The following COL6A6 variants were observed in gnomAD, a reference collection of about 807,000 sequenced individuals.
COL6A6 encodes the protein collagen type VI alpha 6 chain, also known as collagen alpha-6(VI) chain.
A neutral mutation model predicts 208.6 loss-of-function variants in COL6A6; 183 were observed. The ratio of observed to expected loss-of-function variants is 0.88; its 90% confidence interval spans 0.78 to 0.99. The LOEUF (loss-of-function observed/expected upper bound fraction) is 0.99. COL6A6 is among the 50% of genes least tolerant of loss of function. The pLI is 0.00. For missense variants in COL6A6, 2,816 were observed against 2,815.2 expected (o/e 1.00, Z -0.01); for synonymous variants, 973 against 1,011.8 (o/e 0.96, Z 0.73).
intron 28 of COL6A6, among the ~76,000 whole-genome samples, chr3:130,640,767 CTGT>C (rs1448198980): frequency 2.6e-5 from 4 of 152,038 alleles, no homozygotes; most frequent in African/African-American, 9.7e-5. Context: ...GTTTTTGTTG[CTGT>C]TATTCCCCAT....
chr3:130,531,061 GTCTC>G (rs10662894), intron 1 of COL6A6, among the ~76,000 whole-genome samples: 3,299 of 136,612 alleles, frequency 0.024, 54 homozygotes, highest in Middle Eastern at 0.063. Context: ...CACACACACA[GTCTC>G]TCTCTCTCTC....
rs1208975580 is a variant in COL6A6 at position 130,675,308 on chromosome 3, G to C, written c.6703G>C (p.Asp2235His). 1.3e-6 allele frequency: 2 copies of C among 1,596,320 alleles called. No homozygotes were observed. Among genetic ancestry groups the C allele is most frequent in the African/African-American group, 1.3e-5 (1 of 74,678 alleles). ...TTCAAGAGTAGCAAGAAGTGGCAGAGATGATGCTATTCAAAATTTTATGAG... is the reference window on the plus strand; with the variant it reads ...TTCAAGAGTAGCAAGAAGTGGCAGACATGATGCTATTCAAAATTTTATGAG... The part of the protein sequence containing the change: ...YLSRVARSGR[D>H]DAIQNFMRST... The change falls in exon 37 of 37, where the codon GAT becomes CAT. Residue 2235 changes from aspartate to histidine, a missense_variant. Physicochemically the swap from Asp to His is moderately conservative, Grantham distance 81 (BLOSUM62 -1). Coordinates refer to ENST00000358511, the MANE Select transcript of COL6A6 (RefSeq NM_001102608.3).
Position 130,571,189 on chromosome 3 carries a change from G to C in COL6A6, c.2773G>C (p.Asp925His). The C allele has an allele frequency of 6.2e-7, 1 of 1,613,580 alleles. No homozygotes were observed. The highest frequency in any genetic ancestry group is 8.5e-7 in the Non-Finnish European group (1 of 1,179,660). ...TGTGATCACCGATGGGGAATCCCAT[G>C]ATGCTGATAAACTCAATGCCACGGC... Reference protein sequence around the residue: ...LIVITDGESHDADKLNATAKA... With the variant: ...LIVITDGESHHADKLNATAKA... The change falls in exon 7 of 37, where the codon GAT becomes CAT. Residue 925 changes from aspartate (D) to histidine (H), a missense_variant. Asp to His is a moderately conservative substitution (Grantham distance 81, BLOSUM62 -1). Coordinates refer to ENST00000358511, the MANE Select transcript of COL6A6 (RefSeq NM_001102608.3).
intron 20 of COL6A6, among the ~76,000 whole-genome samples, chr3:130,602,711 AT>A (rs1338236667): frequency 1.3e-5 from 2 of 152,230 alleles, no homozygotes; most frequent in African/African-American, 4.8e-5. Context: ...TAATATTTTA[AT>A]TTTAAAAAAG....
At position 130,571,141 on chromosome 3, in the gene COL6A6, A is replaced by C; in HGVS notation, c.2725A>C (p.Lys909Gln). The C allele has an allele frequency of 1.9e-6, 3 of 1,613,828 alleles. No individual in the cohort carries two copies. Among genetic ancestry groups the C allele is most frequent in the Non-Finnish European group, 2.5e-6 (3 of 1,179,760 alleles). Residue 909 changes from lysine (K) to glutamine (Q), a missense_variant, in exon 7 of 37, where the codon AAG (lysine) becomes CAG (glutamine). Physicochemically the swap from Lys to Gln is moderately conservative, Grantham distance 53. Transcript: ENST00000358511. The part of the protein sequence containing the change: ...FTEARGSRLN[K>Q]GVPQVLIVIT... ...TGAAGCCCGGGGCAGCCGCCTGAAC[A>C]AGGGGGTCCCCCAAGTCCTCATTGT...
At chr3:130,588,880 T>TG (rs1405895045) in intron 11 of COL6A6, among the ~76,000 whole-genome samples, 1 of 132,388 alleles carries the variant, frequency 7.6e-6, no homozygotes, top group African/African-American at 3.0e-5. Context: ...ATACCTGAAA[T>TG]GGTGGAGAGT....
chr3:130,653,943 C>T (rs191734002), intron 33 of COL6A6, among the ~76,000 whole-genome samples: 10 of 152,184 alleles, frequency 6.6e-5, no homozygotes, highest in Non-Finnish European at 1.2e-4. Context: ...TGTGTTGATA[C>T]GTGATTAAAT....
At chr3:130,627,864 T>C (rs1287431734) in intron 26 of COL6A6, among the ~76,000 whole-genome samples, 1 of 152,222 alleles carries the variant, frequency 6.6e-6, no homozygotes, top group Non-Finnish European at 1.5e-5. Flanking sequence ...GGGATAAGTT[T>C]ACCAAGACCA....
At chr3:130,595,124 T>A (rs763361616) in intron 18 of COL6A6, among the ~76,000 whole-genome samples, 1 of 151,808 alleles carries the variant, frequency 6.6e-6, no homozygotes, top group African/African-American at 2.4e-5. Context: ...GCAAAACTTA[T>A]GACATAAAGG....
At chr3:130,577,767 A>AG (rs1407638448) in intron 8 of COL6A6, among the ~76,000 whole-genome samples, 1 of 152,246 alleles carries the variant, frequency 6.6e-6, no homozygotes, top group African/African-American at 2.4e-5. Flanking sequence ...GTGTCTTATG[A>AG]GGAGAAGTGA....
chr3:130,598,940 A>G (rs1301593791), intron 19 of COL6A6, among the ~76,000 whole-genome samples: 4 of 152,234 alleles, frequency 2.6e-5, no homozygotes, highest in South Asian at 2.1e-4. Context: ...AGTTGTCTAA[A>G]AAATGCGTTA....
intron 1 of COL6A6, among the ~76,000 whole-genome samples, chr3:130,546,423 C>G (rs955040195): frequency 3.3e-5 from 5 of 152,194 alleles, no homozygotes; most frequent in Admixed American, 1.3e-4. Context: ...AAAGGCAGTG[C>G]AGACCCAAAG....
In COL6A6 at chr3:130,563,430, T is replaced by C; in HGVS notation, c.427T>C (p.Ser143Pro). ...TCTAGTGGTCCTGGCTTCATCTGAG[T>C]CTGAGGATAATGTGGAAGAGGCATC... ...PILVVLASSE[S>P]EDNVEEASKA... Residue 143 changes from serine (S) to proline (P), a missense_variant, in exon 3 of 37, where the codon TCT becomes CCT. Physicochemically the swap from Ser to Pro is moderately conservative, Grantham distance 74 (BLOSUM62 -1). Coordinates refer to ENST00000358511, the MANE Select transcript of COL6A6 (RefSeq NM_001102608.3). The C allele has an allele frequency of 6.2e-7, 1 of 1,613,826 alleles. No homozygotes were observed.
chr3:130,599,698 AGAGAAACTC>A, intron 19 of COL6A6, 50 bp from the exon 20 acceptor site: 1 of 1,574,034 alleles, frequency 6.4e-7, no homozygotes, highest in East Asian at 2.2e-5. Context: ...TTGATGTTAA[AGAGAAACTC>A]TGTCAATGCT....
intron 1 of COL6A6, among the ~76,000 whole-genome samples, chr3:130,560,026 G>C (rs2062846809): frequency 6.6e-6 from 1 of 152,042 alleles, no homozygotes; most frequent in African/African-American, 2.4e-5. Context: ...ATGGCGCTAG[G>C]GTACAGGAAA....
At chr3:130,543,723 C>T (rs937159777) in intron 1 of COL6A6, among the ~76,000 whole-genome samples, 6 of 152,060 alleles carry the variant, frequency 3.9e-5, no homozygotes, top group Non-Finnish European at 5.9e-5. Context: ...TAATCAAATG[C>T]ATTATTGCTA....
intron 20 of COL6A6, among the ~76,000 whole-genome samples, chr3:130,603,984 G>A (rs1471677045): frequency 6.6e-6 from 1 of 152,124 alleles, no homozygotes. Flanking sequence ...CCCATTCACA[G>A]TCTGTTTAAA....
chr3:130,658,706 G>C lies in COL6A6; in HGVS notation c.5764G>C (p.Val1922Leu). 6.2e-7 allele frequency: 1 copy of C among 1,613,154 alleles called. No individual in the cohort carries two copies. Among genetic ancestry groups the C allele is most frequent in the Non-Finnish European group, 8.5e-7 (1 of 1,179,560 alleles). ...CGACACTGGCACATTTCAAGTAATA[G>C]TGGTTCCCTCCGGGGCCGACTACAT... ...IDDTGTFQVI[V>L]VPSGADYIPA... Residue 1922 changes from valine to leucine, a missense_variant, in exon 34 of 37, where the codon GTG becomes CTG. Physicochemically the swap from Val to Leu is conservative, Grantham distance 32. Transcript: ENST00000358511.
chr3:130,664,955 T>C, intron 35 of COL6A6, 48 bp from the exon 36 acceptor site: 2 of 1,248,488 alleles, frequency 1.6e-6, no homozygotes, highest in South Asian at 1.3e-5. Context: ...ATTGCAGTAA[T>C]GTTAACAGTC....
Sources: gnomAD v4.1 joint callset for allele counts (sites outside exome capture counted in the v4.1 genomes callset) on GRCh38, gnomAD v4.1.1 for gene constraint, MANE v1.5 for transcripts, NCBI Gene and HGNC (gene_info 2026-07-23, HGNC 2026-07-21) for gene names.